Variants in DAB1 observed in about 807,000 individuals in gnomAD.
The protein encoded by DAB1 is disabled homolog 1.
In DAB1, 15 loss-of-function variants were observed where a neutral mutation model predicts 64.6. The observed-to-expected ratio is 0.23, with a 90% CI of 0.16 to 0.36. The LOEUF (loss-of-function observed/expected upper bound fraction) is 0.36, where lower values mean the gene tolerates loss of function less well. Ranked by LOEUF, DAB1 falls within the 10% of genes least tolerant of loss-of-function variation. The pLI is 1.00. For synonymous variants in DAB1, 235 were observed against 251.9 expected, an observed-to-expected ratio of 0.93 and a Z score of 0.64; for missense variants, 596 against 706.7, an observed-to-expected ratio of 0.84 and a Z score of 1.78.
At chr1:58,015,751 A>T (rs1334875581) in intron 5 of DAB1, among the ~76,000 whole-genome samples, 1 of 152,146 alleles carries the variant, frequency 6.6e-6, no homozygotes, top group Non-Finnish European at 1.5e-5. Context: ...CATTTCAGAG[A>T]TCATTCTAAT....
chr1:57,575,865 T>A (rs537666793), intron 7 of DAB1, among the ~76,000 whole-genome samples: 1 of 152,200 alleles, frequency 6.6e-6, no homozygotes, highest in East Asian at 1.9e-4. Flanking sequence ...GAAGTTGATA[T>A]ACTGATAATT....
chr1:58,004,661 T>C (rs888528075), intron 5 of DAB1, among the ~76,000 whole-genome samples: 1 of 152,178 alleles, frequency 6.6e-6, no homozygotes, highest in Non-Finnish European at 1.5e-5. Flanking sequence ...TGTTGTAAGA[T>C]TGAATGAAAT....
At chr1:57,931,476 T>C (rs990333815) in intron 5 of DAB1, among the ~76,000 whole-genome samples, 2 of 152,250 alleles carry the variant, frequency 1.3e-5, no homozygotes, top group African/African-American at 2.4e-5. Flanking sequence ...TGAATCCATC[T>C]AGGCCTGGTC....
chr1:57,791,537 C>T (rs1286624961), intron 6 of DAB1, among the ~76,000 whole-genome samples: 2 of 152,134 alleles, frequency 1.3e-5, no homozygotes, highest in African/African-American at 2.4e-5. Flanking sequence ...ACCGTGTGAA[C>T]TTGGGCAGGT....
At chr1:57,734,806 G>A (rs1357199732) in intron 6 of DAB1, among the ~76,000 whole-genome samples, 1 of 152,190 alleles carries the variant, frequency 6.6e-6, no homozygotes, top group Admixed American at 6.5e-5. Context: ...AATTCCAAAT[G>A]TCACCAGCTA....
Position 58,033,523 on chromosome 1 carries a change from T to C in DAB1, n.387+116988A>G, listed in dbSNP as rs570909670. 5.9e-5 allele frequency among the ~76,000 whole-genome samples: 9 copies of C among 152,362 alleles called. No individual in the cohort carries two copies. The South Asian group carries it at 1.5e-3, about 25-fold the overall frequency. Reference sequence around the variant, plus strand: ...ACATTCTTCATCCAGCAAATTCCTATGCATCCTTCAAAACTCAATCAAAGG... The same window carrying C: ...ACATTCTTCATCCAGCAAATTCCTACGCATCCTTCAAAACTCAATCAAAGG... On this transcript the variant is annotated intron_variant and non_coding_transcript_variant, in intron 5 of 20. Transcript: ENST00000485760.
At chr1:58,246,043 G>A (rs1389673621) in intron 4 of DAB1, among the ~76,000 whole-genome samples, 1 of 152,170 alleles carries the variant, frequency 6.6e-6, no homozygotes, top group Non-Finnish European at 1.5e-5. Context: ...TATTTAGGTG[G>A]GGTGGGGGAA....
intron 3 of DAB1, among the ~76,000 whole-genome samples, chr1:58,423,027 G>A (rs1569759533): frequency 1.3e-5 from 2 of 152,238 alleles, no homozygotes; most frequent in African/African-American, 4.8e-5. Context: ...AAGGAAGGTA[G>A]AATGGCCGTT....
chr1:57,809,603 G>C (rs1053176062), intron 6 of DAB1, among the ~76,000 whole-genome samples: 1 of 151,218 alleles, frequency 6.6e-6, no homozygotes, highest in African/African-American at 2.5e-5. Context: ...CATTTAAACT[G>C]TTTCTCATTA....
chr1:57,719,411 C>A (rs2101756180), intron 6 of DAB1, among the ~76,000 whole-genome samples: 1 of 152,280 alleles, frequency 6.6e-6, no homozygotes, highest in East Asian at 1.9e-4. Flanking sequence ...AGACTTCCTC[C>A]AAGTTCAGAT....
chr1:58,278,720 AGGC>A (rs370742211), intron 4 of DAB1, among the ~76,000 whole-genome samples: 594 of 22,376 alleles, frequency 0.027, 280 homozygotes, highest in African/African-American at 0.074. Context: ...GATCAGCAGC[AGGC>A]GGGGGGGGCC....
intron 2 of DAB1, among the ~76,000 whole-genome samples, chr1:57,278,505 G>A (rs1671645956): frequency 6.6e-6 from 1 of 152,174 alleles, no homozygotes; most frequent in Non-Finnish European, 1.5e-5. Flanking sequence ...CTAATGAACA[G>A]AAGAAAGGAA....
chr1:58,036,307 C>G (rs1485461562), intron 5 of DAB1, among the ~76,000 whole-genome samples: 1 of 152,154 alleles, frequency 6.6e-6, no homozygotes, highest in Non-Finnish European at 1.5e-5. Context: ...TAACAACTTG[C>G]CCAAGGTCAT....
chr1:58,235,258 G>C (rs1195949196), intron 4 of DAB1, among the ~76,000 whole-genome samples: 1 of 152,168 alleles, frequency 6.6e-6, no homozygotes, highest in African/African-American at 2.4e-5. Context: ...CCATTTTACA[G>C]CAATGGAAAC....
intron 1 of DAB1, among the ~76,000 whole-genome samples, chr1:57,339,350 G>T (rs1217517925): frequency 1.3e-5 from 2 of 152,190 alleles, no homozygotes; most frequent in East Asian, 3.9e-4. Context: ...TAGAGATGGG[G>T]TTTCACTGTG....
chr1:57,008,228 G>T (rs950445506), intron 14 of DAB1, among the ~76,000 whole-genome samples: 2 of 152,218 alleles, frequency 1.3e-5, no homozygotes, highest in African/African-American at 4.8e-5. Flanking sequence ...GGTGGGGCAA[G>T]CCAGAGAGCT....
chr1:57,350,136 A>G lies in DAB1; in HGVS notation c.-136-58970T>C, dbSNP rs1299977985. 5.9e-5 allele frequency among the ~76,000 whole-genome samples: 9 copies of G among 152,216 alleles called. 1 individual carries two copies. Reference sequence around the variant, plus strand: ...ATCAACTATCCTTAATAGAGAATGTACCACATGCTGAGCTCTGTGATAAGT... The same window carrying G: ...ATCAACTATCCTTAATAGAGAATGTGCCACATGCTGAGCTCTGTGATAAGT... On this transcript the variant is annotated intron_variant, in intron 1 of 14. Coordinates refer to ENST00000371236, the MANE Select transcript of DAB1 (RefSeq NM_001365792.1).
chr1:57,467,640 A>T (rs928281610), intron 7 of DAB1, among the ~76,000 whole-genome samples: 1 of 152,164 alleles, frequency 6.6e-6, no homozygotes, highest in African/African-American at 2.4e-5. Flanking sequence ...AACTGAATCA[A>T]CTCAACTAGA....
At chr1:57,500,331 A>G (rs891137470) in intron 7 of DAB1, among the ~76,000 whole-genome samples, 1 of 152,362 alleles carries the variant, frequency 6.6e-6, no homozygotes, top group Admixed American at 6.5e-5. Flanking sequence ...TCTGATGCAC[A>G]GAAAACGAAG....
Sources: gnomAD v4.1 joint callset for allele counts (sites outside exome capture counted in the v4.1 genomes callset) on GRCh38, gnomAD v4.1.1 for gene constraint, MANE v1.5 for transcripts, NCBI Gene and HGNC (gene_info 2026-07-23, HGNC 2026-07-21) for gene names.